The following PRICKLE1 variants were observed in gnomAD, a reference collection of about 807,000 sequenced individuals.
The protein encoded by PRICKLE1 is prickle planar cell polarity protein 1, also known as prickle-like protein 1.
Under a neutral mutation model 70.2 loss-of-function variants are expected in PRICKLE1, and 14 were observed. That is an observed-to-expected ratio of 0.20 (90% CI 0.13 to 0.31). The LOEUF (loss-of-function observed/expected upper bound fraction) is 0.31, where lower values mean the gene tolerates loss of function less well. PRICKLE1 is among the 10% of genes least tolerant of loss of function. PRICKLE1 has a pLI of 1.00. For synonymous variants in PRICKLE1, 357 were observed against 379.9 expected (o/e 0.94, Z 0.70); for missense variants, 821 against 1,026.2 (o/e 0.80, Z 2.73).
intron 1 of PRICKLE1, among the ~76,000 whole-genome samples, chr12:42,560,101 TTAA>T (rs1300746407): frequency 7.9e-6 from 1 of 126,844 alleles, no homozygotes; most frequent in Non-Finnish European, 1.7e-5. Flanking sequence ...GAAATCTCCT[TTAA>T]TTATTATTAT....
At chr12:42,469,618 C>G (rs750100012) in intron 3 of PRICKLE1, 31 bp from the exon 4 acceptor site, 3 of 1,613,310 alleles carry the variant, frequency 1.9e-6, no homozygotes, top group Non-Finnish European at 2.5e-6. Flanking sequence ...AAACACCACA[C>G]TGAGTGCACA....
intron 1 of PRICKLE1, among the ~76,000 whole-genome samples, chr12:42,498,218 G>C (rs1450505727): frequency 1.3e-5 from 2 of 149,790 alleles, no homozygotes; most frequent in Middle Eastern, 3.2e-3. Context: ...TGTCACCCAG[G>C]CTAGAATGCG....
chr12:42,537,864 C>T (rs149806725), intron 1 of PRICKLE1, among the ~76,000 whole-genome samples: 44 of 152,318 alleles, frequency 2.9e-4, no homozygotes, highest in African/African-American at 8.9e-4. Flanking sequence ...TTCAACCAAA[C>T]AATCGTGTAA....
Position 42,465,276 on chromosome 12 carries a change from GAATAAAT to G in PRICKLE1, c.776-25_776-19del. 1 of 1,613,460 alleles carries G rather than the reference GAATAAAT, an allele frequency of 6.2e-7. No homozygotes were observed. The highest frequency in any genetic ancestry group is 8.5e-7 in the Non-Finnish European group (1 of 1,179,612). ...GTCCACACCTGTTTTGAAAAGGATAGAATAAATAACAGGTTATGGTTTAATGCCTGAA... is the reference window on the plus strand; with the variant it reads ...GTCCACACCTGTTTTGAAAAGGATAGAACAGGTTATGGTTTAATGCCTGAA... On this transcript the variant is annotated intron_variant, in intron 6 of 7. Coordinates refer to ENST00000345127, the MANE Select transcript of PRICKLE1 (RefSeq NM_153026.3).
rs1487211951 is a variant in PRICKLE1, at chr12:42,457,844, A to AGAG, written c.*1962_*1964dup. The AGAG allele has an allele frequency of 3.9e-5, 6 of 152,268 alleles. No homozygotes were observed. The highest frequency in any genetic ancestry group is 1.4e-4 in the African/African-American group (6 of 41,466). The allele number at this position is 152,268 out of a possible 1,614,324, so 9.4% of individuals were successfully genotyped here. ...CTGAAGGAGACACTAAAACTGGGTA[A>AGAG]GAGTGGTTACTTCTGGGGAGAGGAC... On this transcript the variant is annotated 3_prime_UTR_variant, in exon 8 of 8. Transcript: ENST00000345127.
At chr12:42,536,797 AC>A (rs1228279621) in intron 1 of PRICKLE1, among the ~76,000 whole-genome samples, 1 of 151,590 alleles carries the variant, frequency 6.6e-6, no homozygotes, top group African/African-American at 2.4e-5. Context: ...CCTCTTGTCC[AC>A]CCTTTCATCT....
At chr12:42,516,383 C>T (rs1252199431) in intron 1 of PRICKLE1, among the ~76,000 whole-genome samples, 5 of 152,094 alleles carry the variant, frequency 3.3e-5, no homozygotes, top group African/African-American at 9.7e-5. Flanking sequence ...CCGCCTGCCT[C>T]GGCCTCCCAA....
intron 1 of PRICKLE1, among the ~76,000 whole-genome samples, chr12:42,577,205 CATA>C (rs1940817896): frequency 6.6e-6 from 1 of 152,088 alleles, no homozygotes. Context: ...CATGTATAAA[CATA>C]ATAATCACAT....
chr12:42,492,771 C>G (rs967781010), intron 1 of PRICKLE1, among the ~76,000 whole-genome samples: 1 of 152,118 alleles, frequency 6.6e-6, no homozygotes, highest in East Asian at 1.9e-4. Flanking sequence ...GTTTGGAGAG[C>G]TTTAATCTCT....
intron 1 of PRICKLE1, among the ~76,000 whole-genome samples, chr12:42,533,503 G>A (rs1939961455): frequency 6.6e-6 from 1 of 152,180 alleles, no homozygotes. Flanking sequence ...AAAGTGGTGT[G>A]TGTAAATATA....
chr12:42,565,530 G>A (rs997653876), intron 1 of PRICKLE1, among the ~76,000 whole-genome samples: 1 of 152,104 alleles, frequency 6.6e-6, no homozygotes, highest in African/African-American at 2.4e-5. Flanking sequence ...TCAACAATGG[G>A]ATCCTTAAAA....
chr12:42,476,110 A>C (rs992445144), intron 1 of PRICKLE1, among the ~76,000 whole-genome samples: 7 of 151,162 alleles, frequency 4.6e-5, no homozygotes, highest in African/African-American at 1.7e-4. Context: ...AAAAAAAAAA[A>C]AGTTATATGG....
At chr12:42,532,624 GCGGTGGCTCACGCCTGTAATCCC>G (rs1939938980) in intron 1 of PRICKLE1, among the ~76,000 whole-genome samples, 1 of 152,182 alleles carries the variant, frequency 6.6e-6, no homozygotes, top group Non-Finnish European at 1.5e-5. Context: ...CCGGCCGGGC[GCGGTGGCTCACGCCTGTAATCCC>G]AGCACTTTGG....
At chr12:42,583,724 G>C (rs775311018) in intron 1 of PRICKLE1, among the ~76,000 whole-genome samples, 2 of 152,216 alleles carry the variant, frequency 1.3e-5, no homozygotes, top group Non-Finnish European at 2.9e-5. Flanking sequence ...GATGCCAGAA[G>C]AGATGTTGGC....
intron 1 of PRICKLE1, among the ~76,000 whole-genome samples, chr12:42,542,501 C>A (rs2708032): frequency 0.92 from 140,031 of 151,976 alleles, 64,555 homozygotes; most frequent in East Asian, 1. Context: ...AAATACAAAA[C>A]TTGGCTGAGT....
chr12:42,513,082 C>T (rs778950656), intron 1 of PRICKLE1, among the ~76,000 whole-genome samples: 15 of 152,142 alleles, frequency 9.9e-5, no homozygotes, highest in Non-Finnish European at 2.2e-4. Context: ...TCTCTTGCCT[C>T]AACCTCCCGA....
At chr12:42,496,054 C>T (rs1259996142) in intron 1 of PRICKLE1, among the ~76,000 whole-genome samples, 2 of 152,182 alleles carry the variant, frequency 1.3e-5, no homozygotes, top group Non-Finnish European at 2.9e-5. Context: ...TTGCCCAGAT[C>T]CACCAGAGGA....
chr12:42,465,346 AT>A (rs1339168801), intron 6 of PRICKLE1, 88 bp from the exon 7 acceptor site: 2 of 1,293,790 alleles, frequency 1.5e-6, no homozygotes, highest in Non-Finnish European at 2.2e-6. Context: ...ATAAATAAAG[AT>A]TATGGGTATG....
At chr12:42,565,436 A>G (rs1940605840) in intron 1 of PRICKLE1, among the ~76,000 whole-genome samples, 1 of 152,230 alleles carries the variant, frequency 6.6e-6, no homozygotes, top group African/African-American at 2.4e-5. Context: ...CAACTGTCCT[A>G]TCCCAATCCC....
Sources: allele counts gnomAD v4.1 joint callset (sites outside exome capture counted in the v4.1 genomes callset), GRCh38; gene constraint gnomAD v4.1.1; transcripts MANE v1.5; gene names NCBI Gene and HGNC (gene_info 2026-07-23, HGNC 2026-07-21).